The following KDM1A variants were observed in gnomAD, a reference collection of about 807,000 sequenced individuals.
KDM1A encodes lysine-specific histone demethylase 1A.
A neutral mutation model predicts 109.4 loss-of-function variants in KDM1A; 49 were observed. The observed-to-expected ratio is 0.45, with a 90% CI of 0.36 to 0.57. The LOEUF is 0.57. Ranked by LOEUF, KDM1A falls within the 20% of genes least tolerant of loss-of-function variation. KDM1A has a pLI of 0.00. For missense variants in KDM1A, 668 were observed against 1,116.6 expected, an observed-to-expected ratio of 0.60 and a Z score of 5.73; for synonymous variants, 380 against 415.4, an observed-to-expected ratio of 0.91 and a Z score of 1.04.
In KDM1A at chr1:23,072,112, A is replaced by T; in HGVS notation, c.1549-12A>T. ...CCTTCAGGGTAACTCAGGTTCACTT[A>T]ATTTTTATCAGGAATATGATGAATT... is the stretch of plus-strand genomic sequence containing the variant. On this transcript the variant is annotated splice_polypyrimidine_tract_variant and intron_variant, in intron 13 of 20. Transcript: ENST00000400181. The T allele has an allele frequency of 3.8e-6, 6 of 1,587,920 alleles. No individual in the cohort carries two copies. Among genetic ancestry groups the T allele is most frequent in the Admixed American group, 1.7e-5 (1 of 59,108 alleles).
intron 4 of KDM1A, among the ~76,000 whole-genome samples, chr1:23,053,272 T>A (rs1642724767): frequency 6.6e-6 from 1 of 152,274 alleles, no homozygotes; most frequent in African/African-American, 2.4e-5. Context: ...GTAATTTACT[T>A]ATTTGATATG....
Position 23,079,455 on chromosome 1 carries a change from T to C in KDM1A, c.2056-98T>C. ...CCTAAATAATAAGGATTGCTGGGCT[T>C]ATTTTGAAAGCAGATTAGAAGAGAC... On this transcript the variant is annotated intron_variant, in intron 17 of 20. Coordinates refer to ENST00000400181, the MANE Select transcript of KDM1A (RefSeq NM_001009999.3). The surrounding 1 kb of genome is among the most constrained non-coding windows in gnomAD (Gnocchi z 5.6). 1 of 911,346 alleles carries C rather than the reference T, an allele frequency of 1.1e-6. No homozygotes were observed. The highest frequency in any genetic ancestry group is 1.7e-6 in the Non-Finnish European group (1 of 582,912). The allele number at this position is 911,346 out of a possible 1,614,324, so 56.5% of individuals were successfully genotyped here.
chr1:23,048,101 T>C (rs1339469634), intron 3 of KDM1A, among the ~76,000 whole-genome samples: 2 of 152,170 alleles, frequency 1.3e-5, no homozygotes, highest in Non-Finnish European at 2.9e-5. Flanking sequence ...TGGAATTTAA[T>C]AGAAATCATT....
chr1:23,063,206 GTGTGGTGTGGGGT>G (rs1279451423), intron 9 of KDM1A, among the ~76,000 whole-genome samples: 8 of 64,418 alleles, frequency 1.2e-4, no homozygotes, highest in South Asian at 3.8e-4. Flanking sequence ...TGGGGGGGGG[GTGTGGTGTGGGGT>G]GGGTGTGTGT....
intron 2 of KDM1A, among the ~76,000 whole-genome samples, chr1:23,035,841 A>G (rs959133875): frequency 2.6e-4 from 39 of 152,248 alleles, no homozygotes; most frequent in African/African-American, 9.2e-4. Flanking sequence ...CTTCTAGAGT[A>G]TTCTATAGAA....
intron 4 of KDM1A, among the ~76,000 whole-genome samples, chr1:23,051,646 CAG>C (rs1465970247): frequency 6.6e-6 from 1 of 152,172 alleles, no homozygotes; most frequent in Non-Finnish European, 1.5e-5. Flanking sequence ...CTTATTTAGC[CAG>C]AGAGTAAATG....
chr1:23,074,631 C>T (rs994535695), intron 15 of KDM1A, among the ~76,000 whole-genome samples: 2 of 152,114 alleles, frequency 1.3e-5, no homozygotes, highest in Non-Finnish European at 2.9e-5. Context: ...CTTTGTCTTA[C>T]CTGTGGTCAC....
intron 12 of KDM1A, among the ~76,000 whole-genome samples, chr1:23,070,352 T>C (rs1245606226): frequency 1.3e-5 from 2 of 152,002 alleles, no homozygotes; most frequent in Admixed American, 6.6e-5. Flanking sequence ...ACACCTGTAA[T>C]CCCAGTTACT....
chr1:23,046,354 A>G (rs1356276955), intron 3 of KDM1A, among the ~76,000 whole-genome samples: 1 of 152,114 alleles, frequency 6.6e-6, no homozygotes, highest in African/African-American at 2.4e-5. Flanking sequence ...AAAACATTCT[A>G]GGACTTGATA....
chr1:23,040,221 A>G (rs187928229), intron 2 of KDM1A, among the ~76,000 whole-genome samples: 2 of 152,360 alleles, frequency 1.3e-5, no homozygotes, highest in African/African-American at 4.8e-5. Context: ...TCTGGAAACA[A>G]CCAACCAGTG....
In KDM1A at chr1:23,066,074, AT is replaced by A. The variant is rs1490059963; in HGVS notation, c.1179+10del. On this transcript the variant is annotated splice_donor_region_variant and intron_variant, in intron 10 of 20. Coordinates refer to ENST00000400181, the MANE Select transcript of KDM1A (RefSeq NM_001009999.3). ...CTGGTTAAAAGGACACTGTCAAGGT[AT>A]TTTTTTCATAATTTTTCAAATCATT... 3 of 1,577,572 alleles carry A rather than the reference AT, an allele frequency of 1.9e-6. No homozygotes were observed. Among genetic ancestry groups the A allele is most frequent in the Non-Finnish European group, 2.6e-6 (3 of 1,148,068 alleles).
At chr1:23,066,127 A>G (rs980161089) in intron 10 of KDM1A, 56 bp downstream of exon 10, 2 of 1,180,946 alleles carry the variant, frequency 1.7e-6, no homozygotes, top group African/African-American at 1.5e-5. Flanking sequence ...ATAACCCATT[A>G]AAAGCTTGAA....
At chr1:23,060,620 T>A (rs576126354) in intron 9 of KDM1A, among the ~76,000 whole-genome samples, 7 of 152,162 alleles carry the variant, frequency 4.6e-5, no homozygotes, top group Non-Finnish European at 1.0e-4. Flanking sequence ...AATCAGGATT[T>A]CAACATGTGT....
intron 4 of KDM1A, 71 bp from the exon 5 acceptor site, chr1:23,053,690 G>T: frequency 1.9e-6 from 2 of 1,070,080 alleles, no homozygotes; most frequent in Non-Finnish European, 2.9e-6. Context: ...CCAGCTAAAA[G>T]ATGATTTTAA....
At chr1:23,057,640 A>G in intron 8 of KDM1A, 75 bp downstream of exon 8, 3 of 1,083,630 alleles carry the variant, frequency 2.8e-6, no homozygotes, top group Non-Finnish European at 4.3e-6. Context: ...CAGAGATGCT[A>G]TTTTAAAATG....
At chr1:23,075,561 A>G (rs934054196) in intron 15 of KDM1A, among the ~76,000 whole-genome samples, 9 of 105,094 alleles carry the variant, frequency 8.6e-5, no homozygotes, top group African/African-American at 3.2e-4. Context: ...ACAGAGCAAG[A>G]CTCCATCTCA....
chr1:23,055,824 A>C, intron 6 of KDM1A, 108 bp from the exon 7 acceptor site: 1 of 515,102 alleles, frequency 1.9e-6, no homozygotes, highest in Admixed American at 3.3e-5. Flanking sequence ...TGTATTTTTT[A>C]CTTTGTAAGC....
chr1:23,056,988 G>A (rs1642849771), intron 7 of KDM1A, among the ~76,000 whole-genome samples: 1 of 152,038 alleles, frequency 6.6e-6, no homozygotes, highest in African/African-American at 2.4e-5. Flanking sequence ...CCCTGGGCAT[G>A]GGGGTGCACT....
rs1557569916 is a variant in KDM1A at position 23,063,222 on chromosome 1, GTGT to G, written c.1168-2837_1168-2835del. 1.2e-3 allele frequency among the ~76,000 whole-genome samples: 111 copies of G among 89,236 alleles called. 2 individuals carry two copies. The highest frequency in any genetic ancestry group is 1.7e-3 in the Non-Finnish European group (76 of 43,470). 58.5% of individuals were successfully genotyped at this position (89,236 alleles called of 152,430 possible). ...GGGGGGGGGGTGTGGTGTGGGGTGG[GTGT>G]GTGTGGGTGTGTGTGTGTGTGTGTG... On this transcript the variant is annotated intron_variant, in intron 9 of 20. Transcript: ENST00000400181.
Sources: gnomAD v4.1 joint callset for allele counts (sites outside exome capture counted in the v4.1 genomes callset) on GRCh38, gnomAD v4.1.1 for gene constraint, Gnocchi (gnomAD v3.1) non-coding constraint, MANE v1.5 for transcripts, NCBI Gene and HGNC (gene_info 2026-07-23, HGNC 2026-07-21) for gene names.